Variants in SDHAF3 observed in about 807,000 individuals in gnomAD.
The protein encoded by SDHAF3 is succinate dehydrogenase complex assembly factor 3, also known as succinate dehydrogenase assembly factor 3, mitochondrial.
In SDHAF3, 18 loss-of-function variants were observed where a neutral mutation model predicts 11.5. The ratio of observed to expected loss-of-function variants is 1.56; its 90% CI spans 1.08 to 2.32. The LOEUF is 2.32. Among genes scored for constraint, SDHAF3 ranks in the 30% most tolerant of loss-of-function variants. The pLI, the probability that SDHAF3 is intolerant of heterozygous loss-of-function variation, is 0.00. For synonymous variants in SDHAF3, 72 were observed against 59.3 expected, an observed-to-expected ratio of 1.21 and a Z score of -0.99; for missense variants, 200 against 154.4, an observed-to-expected ratio of 1.30 and a Z score of -1.57.
chr7:97,148,028 C>A (rs1406794481), intron 1 of SDHAF3, among the ~76,000 whole-genome samples: 1 of 152,032 alleles, frequency 6.6e-6, no homozygotes, highest in Admixed American at 6.6e-5. Flanking sequence ...CTCAGCCTCC[C>A]AAGTAGCTGG....
At chr7:97,150,171 C>T (rs1789196065) in intron 1 of SDHAF3, among the ~76,000 whole-genome samples, 2 of 152,196 alleles carry the variant, frequency 1.3e-5, no homozygotes, top group Admixed American at 6.5e-5. Flanking sequence ...TTACTTACTC[C>T]ACTGAATTCT....
chr7:97,128,915 G>T (rs1400209506), intron 1 of SDHAF3, among the ~76,000 whole-genome samples: 1 of 151,940 alleles, frequency 6.6e-6, no homozygotes, highest in African/African-American at 2.4e-5. Context: ...CTGTTGCCCA[G>T]TCTGCTCTCG....
chr7:97,129,314 G>C (rs1197392038), intron 1 of SDHAF3, among the ~76,000 whole-genome samples: 2 of 152,160 alleles, frequency 1.3e-5, no homozygotes, highest in East Asian at 3.9e-4. Context: ...GGTTTTGGCA[G>C]TTTGGCTGTC....
At chr7:97,119,787 C>G (rs1791463473) in intron 1 of SDHAF3, among the ~76,000 whole-genome samples, 1 of 152,098 alleles carries the variant, frequency 6.6e-6, no homozygotes, top group Non-Finnish European at 1.5e-5. Flanking sequence ...AAGTACTAGT[C>G]TGTTACTTTG....
At chr7:97,176,355 G>T (rs572516245) in intron 1 of SDHAF3, among the ~76,000 whole-genome samples, 3 of 152,252 alleles carry the variant, frequency 2.0e-5, no homozygotes, top group Non-Finnish European at 4.4e-5. Flanking sequence ...TAACTTTCGG[G>T]ATAGCATTAT....
At chr7:97,128,483 T>C (rs1367001291) in intron 1 of SDHAF3, among the ~76,000 whole-genome samples, 1 of 152,194 alleles carries the variant, frequency 6.6e-6, no homozygotes, top group East Asian at 1.9e-4. Flanking sequence ...GTTTCTTTTA[T>C]TTAAATGATT....
intron 1 of SDHAF3, among the ~76,000 whole-genome samples, chr7:97,132,816 G>A (rs1365827250): frequency 6.6e-6 from 1 of 152,092 alleles, no homozygotes; most frequent in Admixed American, 6.5e-5. Context: ...GATATTCTAG[G>A]TAGCTATGTG....
At chr7:97,118,357 G>C (rs1276867674) in intron 1 of SDHAF3, among the ~76,000 whole-genome samples, 2 of 152,066 alleles carry the variant, frequency 1.3e-5, no homozygotes, top group Non-Finnish European at 2.9e-5. Context: ...TTCTCACTTG[G>C]CTGATACAGA....
rs1401307855 is a variant in SDHAF3, at chr7:97,117,734, G to A, written c.11G>A (p.Arg4Gln). Residue 4 changes from arginine (R) to glutamine (Q), a missense_variant, in exon 1 of 2, where the codon CGG becomes CAG. Transcript: ENST00000432641. ...TCGGCGTGGGGCGCTATGCCGGGGC[G>A]GCACGTTTCTCGAGTCCGGGCATTG... MPG[R>Q]HVSRVRALYK... is the part of the protein sequence containing the mutation. The A allele has an allele frequency of 3.1e-6, 5 of 1,612,748 alleles. No individual in the cohort carries two copies. Among genetic ancestry groups the A allele is most frequent in the African/African-American group, 1.3e-5 (1 of 74,902 alleles).
At chr7:97,169,397 A>C (rs1011195522) in intron 1 of SDHAF3, among the ~76,000 whole-genome samples, 17 of 152,220 alleles carry the variant, frequency 1.1e-4, no homozygotes, top group African/African-American at 3.6e-4. Flanking sequence ...ATTTCAATAT[A>C]TATCAAATAT....
In SDHAF3 at chr7:97,181,024, GCGTTATT is replaced by G. The variant is rs1308420450; in HGVS notation, c.188_194del (p.Ala63GlyfsTer40). ...TTTATCTTTTTAGGTGTATGCAACA[GCGTTATT>G]GCAACAGGCTAACGAAAACAGACAA... On this transcript the variant is annotated frameshift_variant, in exon 2 of 2. Transcript: ENST00000432641. LOFTEE classifies it high-confidence loss of function. The G allele has an allele frequency of 3.1e-6, 5 of 1,613,482 alleles. No homozygotes were observed. Among genetic ancestry groups the G allele is most frequent in the Non-Finnish European group, 4.2e-6 (5 of 1,179,698 alleles).
At chr7:97,171,803 T>A (rs1789604394) in intron 1 of SDHAF3, among the ~76,000 whole-genome samples, 1 of 152,072 alleles carries the variant, frequency 6.6e-6, no homozygotes, top group African/African-American at 2.4e-5. Context: ...GGCCATTTAG[T>A]TGTAATTTTG....
At chr7:97,157,942 C>T (rs34159711) in intron 1 of SDHAF3, among the ~76,000 whole-genome samples, 45,328 of 132,648 alleles carry the variant, frequency 0.34, 7,416 homozygotes, top group Middle Eastern at 0.47. Flanking sequence ...GGAAGGGGAA[C>T]ATCACACACT....
intron 1 of SDHAF3, among the ~76,000 whole-genome samples, chr7:97,142,042 C>CTTTGTTTTTTTTTTTTTT (rs1789055387): frequency 1.6e-5 from 1 of 61,680 alleles, no homozygotes; most frequent in East Asian, 6.7e-4. Context: ...GAATTGTTGT[C>CTTTGTTTTTTTTTTTTTT]TTTTTTTTTT....
chr7:97,161,638 A>C (rs760118773), intron 1 of SDHAF3, among the ~76,000 whole-genome samples: 14 of 151,700 alleles, frequency 9.2e-5, no homozygotes, highest in Non-Finnish European at 2.1e-4. Context: ...CCCTGTGTAC[A>C]TATATTCTCC....
chr7:97,164,859 ATAT>A (rs1449938390), intron 1 of SDHAF3, among the ~76,000 whole-genome samples: 3 of 152,306 alleles, frequency 2.0e-5, no homozygotes, highest in East Asian at 1.9e-4. Context: ...CTGAAGCAAC[ATAT>A]TATTATATAA....
chr7:97,180,999 T>TTTATC lies in SDHAF3; in HGVS notation c.175-10_175-6dup. 6.2e-7 allele frequency: 1 copy of TTTATC among 1,602,766 alleles called. No individual in the cohort carries two copies. Among genetic ancestry groups the TTTATC allele is most frequent in the Non-Finnish European group, 8.5e-7 (1 of 1,175,300 alleles). On this transcript the variant is annotated splice_polypyrimidine_tract_variant and intron_variant, in intron 1 of 1. Transcript: ENST00000432641. The stretch of plus-strand genomic sequence containing the variant: ...AACTTTACATCTATAACCTTCATTC[T>TTTATC]TTATCTTTTTAGGTGTATGCAACAG...
chr7:97,118,395 A>G (rs1046803407), intron 1 of SDHAF3, among the ~76,000 whole-genome samples: 4 of 152,236 alleles, frequency 2.6e-5, no homozygotes, highest in African/African-American at 9.6e-5. Flanking sequence ...AAGATTACAA[A>G]AGGTTGGAGA....
chr7:97,140,498 A>T (rs947487894), intron 1 of SDHAF3, among the ~76,000 whole-genome samples: 6 of 152,072 alleles, frequency 3.9e-5, no homozygotes, highest in African/African-American at 1.2e-4. Context: ...TGTTGCAGGA[A>T]GTCAGGGACC....
Sources: allele counts gnomAD v4.1 joint callset (sites outside exome capture counted in the v4.1 genomes callset), GRCh38; gene constraint gnomAD v4.1.1; transcripts MANE v1.5; gene names NCBI Gene and HGNC (gene_info 2026-07-23, HGNC 2026-07-21).